Variants in MGAM observed in about 807,000 individuals in gnomAD.
MGAM encodes the protein alpha-1,4-glucosidase.
Under a neutral mutation model 358.8 loss-of-function variants are expected in MGAM, and 253 were observed. The observed-to-expected ratio is 0.71, with a 90% CI of 0.64 to 0.78. The LOEUF (loss-of-function observed/expected upper bound fraction) is 0.78, where lower values mean the gene tolerates loss of function less well. MGAM is among the 30% of genes least tolerant of loss of function. The pLI is 0.00. For missense variants in MGAM, 3,080 were observed against 3,432.6 expected, an observed-to-expected ratio of 0.90 and a Z score of 2.57; for synonymous variants, 1,105 against 1,227.1, an observed-to-expected ratio of 0.90 and a Z score of 2.08.
intron 7 of MGAM, among the ~76,000 whole-genome samples, chr7:142,023,166 C>G (rs1554459623): frequency 3.3e-5 from 5 of 152,026 alleles, no homozygotes; most frequent in Admixed American, 1.3e-4. Context: ...GCTCAGGTAA[C>G]CCTCGTACCT....
intron 65 of MGAM, 28 bp downstream of exon 65, chr7:142,096,443 A>T (rs1251899071): frequency 1.9e-6 from 3 of 1,611,542 alleles, no homozygotes; most frequent in East Asian, 2.2e-5. Context: ...CGATGAGGGG[A>T]GGATCCCAGC....
chr7:142,031,512 G>A (rs906932455), intron 12 of MGAM, among the ~76,000 whole-genome samples, 168 bp from the exon 13 acceptor site: 1 of 152,104 alleles, frequency 6.6e-6, no homozygotes, highest in East Asian at 1.9e-4. Context: ...GAGTGACCCT[G>A]GCATTTATTT....
chr7:142,037,080 T>C (rs117567174), intron 18 of MGAM, 103 bp downstream of exon 18: 29,825 of 1,167,292 alleles, frequency 0.026, 478 homozygotes, highest in Non-Finnish European at 0.032. Context: ...AGGCAGTTAT[T>C]CATATCTATC....
intron 40 of MGAM, 98 bp downstream of exon 40, chr7:142,065,929 C>A: frequency 4.0e-4 from 347 of 863,096 alleles, no homozygotes; most frequent in Middle Eastern, 7.8e-4. Context: ...CCTGGGATAT[C>A]TTTAAAAAAA....
intron 1 of MGAM, among the ~76,000 whole-genome samples, chr7:142,001,351 C>T (rs537743744): frequency 1.0e-3 from 156 of 152,260 alleles, no homozygotes; most frequent in African/African-American, 3.7e-3. Flanking sequence ...TTCAACCAAT[C>T]CTTGGATAAA....
intron 2 of MGAM, among the ~76,000 whole-genome samples, chr7:142,007,183 A>C (rs1805230911): frequency 6.6e-6 from 1 of 152,158 alleles, no homozygotes. Context: ...ATGTTGTAAC[A>C]ATCTACTTTG....
chr7:142,038,527 T>C lies in MGAM; in HGVS notation c.2232-4T>C. On this transcript the variant is annotated splice_polypyrimidine_tract_variant and splice_region_variant and intron_variant, in intron 18 of 70. Coordinates refer to ENST00000475668, the MANE Select transcript of MGAM (RefSeq NM_001365693.1). Reference sequence around the variant, plus strand: ...TCTCAGTGAACTGTCTCTCTGGTTTTCAGGTTCTACGAGGACAACAGCACT... The same window carrying C: ...TCTCAGTGAACTGTCTCTCTGGTTTCCAGGTTCTACGAGGACAACAGCACT... 6.2e-7 allele frequency: 1 copy of C among 1,605,044 alleles called. No individual in the cohort carries two copies. The highest frequency in any genetic ancestry group is 8.5e-7 in the Non-Finnish European group (1 of 1,175,490).
intron 2 of MGAM, among the ~76,000 whole-genome samples, chr7:141,987,245 A>T (rs1803751014): frequency 6.6e-6 from 1 of 152,192 alleles, no homozygotes; most frequent in Non-Finnish European, 1.5e-5. Context: ...CTTCACAGAA[A>T]TGAAAAGAAT....
intron 21 of MGAM, 70 bp downstream of exon 21, chr7:142,040,916 A>G: frequency 1.3e-6 from 2 of 1,513,482 alleles, no homozygotes; most frequent in Non-Finnish European, 1.8e-6. Context: ...TCTTTTCGAA[A>G]CACACTAACA....
At position 142,064,403 on chromosome 7, in the gene MGAM, G is replaced by A. The variant is rs774321991; in HGVS notation, c.4365G>A (p.Arg1455=). 4 of 1,608,522 alleles carry A rather than the reference G, an allele frequency of 2.5e-6. No homozygotes were observed. ...CCTCAGATTTGGAGTCCAGGGACAG[G>A]GGCCTGAGCAGCAAGACCCTTTGTA... ...PYMPHLESRD[R]GLSSKTLCME... is the part of the protein sequence containing the mutation. The change falls in exon 37 of 71, where the codon AGG becomes AGA. Residue 1455 remains arginine (R), a synonymous_variant. Transcript: ENST00000475668.
chr7:142,040,415 TA>T, intron 20 of MGAM: 1 of 584,088 alleles, frequency 1.7e-6, no homozygotes, highest in Non-Finnish European at 3.0e-6. Context: ...TAGTATCTCA[TA>T]AATTAATATT....
chr7:141,995,566 T>C (rs1246542105), upstream of MGAM, among the ~76,000 whole-genome samples: 1 of 152,078 alleles, frequency 6.6e-6, no homozygotes, highest in East Asian at 1.9e-4. Context: ...GGGTCATTTA[T>C]TTTTTGCTCT....
At position 142,056,075 on chromosome 7, in the gene MGAM, C is replaced by T. The variant is rs1402662955; in HGVS notation, c.3559C>T (p.Leu1187=). The stretch of plus-strand genomic sequence containing the variant: ...GGACGGCAGTGCCCATGGAGTGCTC[C>T]TGCTGAACAGCAATGCCATGGGTAA... The part of the protein sequence containing the change: ...EEDGSAHGVL[L]LNSNAMDVTF... Residue 1187 remains leucine (L), a synonymous_variant, in exon 29 of 71, where the codon CTG becomes TTG. Transcript: ENST00000475668. 3.1e-6 allele frequency: 5 copies of T among 1,608,904 alleles called. No homozygotes were observed. Among genetic ancestry groups the T allele is most frequent in the Admixed American group, 3.4e-5 (2 of 59,350 alleles).
At chr7:142,015,653 T>C (rs1293698361) in intron 3 of MGAM, among the ~76,000 whole-genome samples, 1 of 152,116 alleles carries the variant, frequency 6.6e-6, no homozygotes, top group African/African-American at 2.4e-5. Context: ...ACATTTTTCT[T>C]TCTTGTCCTC....
At chr7:141,986,731 C>T (rs782273723) in intron 2 of MGAM, among the ~76,000 whole-genome samples, 4 of 152,166 alleles carry the variant, frequency 2.6e-5, no homozygotes, top group Non-Finnish European at 1.5e-5. Flanking sequence ...ACAATTTTAG[C>T]AATTCAAAAT....
intron 1 of MGAM, among the ~76,000 whole-genome samples, chr7:142,003,256 G>T (rs1004083873): frequency 6.6e-6 from 1 of 151,786 alleles, no homozygotes; most frequent in Non-Finnish European, 1.5e-5. Flanking sequence ...AGTGTAAGTA[G>T]CCCAAGTAAT....
chr7:142,096,584 C>T (rs2129062376), intron 65 of MGAM, among the ~76,000 whole-genome samples, 169 bp downstream of exon 65: 1 of 152,082 alleles, frequency 6.6e-6, no homozygotes, highest in Non-Finnish European at 1.5e-5. Context: ...TGTTCTTGGC[C>T]TCAGCTCCTT....
At chr7:142,030,802 G>C (rs563517221) in intron 12 of MGAM, 45 bp downstream of exon 12, 1 of 1,275,138 alleles carries the variant, frequency 7.8e-7, no homozygotes, top group Non-Finnish European at 1.1e-6. Flanking sequence ...GGCTGCATAG[G>C]GGTGTTTGAA....
In MGAM at chr7:142,078,457, G is replaced by T; in HGVS notation, c.5633G>T (p.Gly1878Val). The T allele has an allele frequency of 2.6e-6, 4 of 1,543,960 alleles. 1 individual carries two copies. The highest frequency in any genetic ancestry group is 3.6e-6 in the Non-Finnish European group (4 of 1,126,288). Residue 1878 changes from glycine to valine, a missense_variant, in exon 48 of 71, where the codon GGC becomes GTC. Gly to Val is a moderately radical substitution (Grantham distance 109). Around this residue, in one of 5 missense-constraint regions of MGAM, gnomAD observed 932 missense variants for 1,198.2 expected, o/e 0.78. Transcript: ENST00000475668. ...GDSAENCTAR[G>V]CIWEASNSSG... ...TCTGCAGAAAACTGCACTGCCCGTG[G>T]CTGTATCTGGGAGGTAACCATGCTG...
Sources: gnomAD v4.1 joint callset for allele counts (sites outside exome capture counted in the v4.1 genomes callset) on GRCh38, gnomAD v4.1.1 for gene constraint, gnomAD v4.1.1 regional missense constraint, MANE v1.5 for transcripts, NCBI Gene and HGNC (gene_info 2026-07-23, HGNC 2026-07-21) for gene names.